Variants in APOF observed in about 807,000 individuals in gnomAD.
APOF encodes the protein apolipoprotein F.
In APOF, 2 loss-of-function variants were observed where a neutral mutation model predicts 2.4. The observed-to-expected ratio is 0.83, with a 90% CI of 0.34 to 2.61. The LOEUF is 2.61. Among genes scored for constraint, APOF ranks in the 30% most tolerant of loss-of-function variants. The pLI, the probability that APOF is intolerant of heterozygous loss-of-function variation, is 0.11. For synonymous variants in APOF, 149 were observed against 155.6 expected (o/e 0.96, Z 0.32); for missense variants, 370 against 388.7 (o/e 0.95, Z 0.40).
rs945239102 is a variant in APOF at position 56,361,370 on chromosome 12, C to T, written c.836G>A (p.Arg279Lys). Residue 279 changes from arginine to lysine, a missense_variant, in exon 2 of 2, where the codon AGG becomes AAG. Arg to Lys is a conservative substitution (Grantham distance 26). Transcript: ENST00000398189. Reference protein sequence around the residue: ...SQPETTKEGLRAISDVSDLEE... With the variant: ...SQPETTKEGLKAISDVSDLEE... Reference sequence around the variant, plus strand: ...CAAGTCACTCACATCTGAGATGGCCCTCAAACCCTCCTTGGTGGTCTCCGG... The same window carrying T: ...CAAGTCACTCACATCTGAGATGGCCTTCAAACCCTCCTTGGTGGTCTCCGG... 1.9e-6 allele frequency: 3 copies of T among 1,613,926 alleles called. No individual in the cohort carries two copies. The highest frequency in any genetic ancestry group is 3.3e-5 in the Admixed American group (2 of 59,996).
In APOF at chr12:56,361,970, A is replaced by G; in HGVS notation, c.236T>C (p.Met79Thr). The G allele has an allele frequency of 6.2e-7, 1 of 1,614,036 alleles. No homozygotes were observed. The highest frequency in any genetic ancestry group is 8.5e-7 in the Non-Finnish European group (1 of 1,179,882). Residue 79 changes from methionine to threonine, a missense_variant, in exon 2 of 2, where the codon ATG (methionine) becomes ACG (threonine). Coordinates refer to ENST00000398189, the MANE Select transcript of APOF (RefSeq NM_001638.4). ...TACCAAGAACTTGGGTAGAGGGGCC[A>G]TGTGGCTGAAACCAGGCAGTGACTT... Reference protein sequence around the residue: ...HPKSLPGFSHMAPLPKFLVSL... With the variant: ...HPKSLPGFSHTAPLPKFLVSL...
Position 56,361,125 on chromosome 12 carries a change from G to C in APOF, c.*100C>G. The C allele has an allele frequency of 7.2e-7, 1 of 1,396,492 alleles. No individual in the cohort carries two copies. Among genetic ancestry groups the C allele is most frequent in the Non-Finnish European group, 9.6e-7 (1 of 1,038,652 alleles). The allele number at this position is 1,396,492 out of a possible 1,614,324, so 86.5% of individuals were successfully genotyped here. ...AACATTTACGTTCTTACGTTTTACT[G>C]TACAGCCTTCCTCCTGGATAAATCA... On this transcript the variant is annotated 3_prime_UTR_variant, in exon 2 of 2. Transcript: ENST00000398189.
chr12:56,361,892 C>G lies in APOF; in HGVS notation c.314G>C (p.Trp105Ser). The G allele has an allele frequency of 6.2e-7, 1 of 1,613,844 alleles. No homozygotes were observed. Among genetic ancestry groups the G allele is most frequent in the Non-Finnish European group, 8.5e-7 (1 of 1,179,800 alleles). Residue 105 changes from tryptophan (W) to serine (S), a missense_variant, in exon 2 of 2, where the codon TGG (tryptophan) becomes TCG (serine). Trp to Ser is a radical substitution (Grantham distance 177). Coordinates refer to ENST00000398189, the MANE Select transcript of APOF (RefSeq NM_001638.4). ...LEEAGCQADV[W>S]ALQLQLYRQG... ...GCGGTAGAGCTGTAGCTGTAGAGCCCAAACATCAGCCTGACAACCAGCTTC... is the reference window on the plus strand; with the variant it reads ...GCGGTAGAGCTGTAGCTGTAGAGCCGAAACATCAGCCTGACAACCAGCTTC...
chr12:56,360,977 C>T lies in APOF; in HGVS notation c.*248G>A. On this transcript the variant is annotated 3_prime_UTR_variant, in exon 2 of 2. Transcript: ENST00000398189. Reference sequence around the variant, plus strand: ...GCAACTCATTGAGGTTAAAATCATTCTATCTCCTTTAGAAACTTCAAAACT... The same window carrying T: ...GCAACTCATTGAGGTTAAAATCATTTTATCTCCTTTAGAAACTTCAAAACT... 1 of 518,618 alleles carries T rather than the reference C, an allele frequency of 1.9e-6. No homozygotes were observed. Among genetic ancestry groups the T allele is most frequent in the South Asian group, 2.7e-5 (1 of 37,348 alleles). The allele number at this position is 518,618 out of a possible 1,614,324, so 32.1% of individuals were successfully genotyped here.
Position 56,361,013 on chromosome 12 carries a change from CAAGA to C in APOF, c.*208_*211del. 2 of 578,520 alleles carry C rather than the reference CAAGA, an allele frequency of 3.5e-6. No individual in the cohort carries two copies. Among genetic ancestry groups the C allele is most frequent in the Admixed American group, 6.5e-5 (2 of 30,916 alleles). The allele number at this position is 578,520 out of a possible 1,614,324, so 35.8% of individuals were successfully genotyped here. ...AGAAACTTCAAAACTGATCTTAGTT[CAAGA>C]AAGAAGTTACTATTCAGTGATCACC... On this transcript the variant is annotated 3_prime_UTR_variant, in exon 2 of 2. Coordinates refer to ENST00000398189, the MANE Select transcript of APOF (RefSeq NM_001638.4).
rs772261296 is a variant in APOF at position 56,361,562 on chromosome 12, C to T, written c.644G>A (p.Arg215Gln). The T allele has an allele frequency of 6.2e-6, 10 of 1,613,940 alleles. No homozygotes were observed. Among genetic ancestry groups the T allele is most frequent in the African/African-American group, 1.3e-5 (1 of 74,938 alleles). The change falls in exon 2 of 2, where the codon CGA (arginine) becomes CAA (glutamine). Residue 215 changes from arginine to glutamine, a missense_variant. Coordinates refer to ENST00000398189, the MANE Select transcript of APOF (RefSeq NM_001638.4). ...NCLGKARERG[R>Q]DGAIDLGYDL... ...ATATCCCAGATCTATGGCCCCATCT[C>T]GGCCTCGTTCCCTGGCCTTGCCCAG...
chr12:56,361,176 T>C lies in APOF; in HGVS notation c.*49A>G, dbSNP rs549438151. On this transcript the variant is annotated 3_prime_UTR_variant, in exon 2 of 2. Transcript: ENST00000398189. ...GATTAAAATTTTGAAGACATGTATA[T>C]AGCTTGTCAGGGTAGTACAGTTATT... 292 of 1,566,750 alleles carry C rather than the reference T, an allele frequency of 1.9e-4. 1 individual carries two copies. In the East Asian group the frequency reaches 6.2e-3, roughly 33 times the overall value.
At position 56,362,773 on chromosome 12, in the gene APOF, T is replaced by G. The variant is rs771488732; in HGVS notation, c.-28A>C. On this transcript the variant is annotated 5_prime_UTR_variant, in exon 1 of 2. Transcript: ENST00000398189. The stretch of plus-strand genomic sequence containing the variant: ...AGAAGTGAGACTGCCTTGGTAGGTT[T>G]GATCGCTTCCTGATCCTGTTCTGCC... 40 of 1,613,576 alleles carry G rather than the reference T, an allele frequency of 2.5e-5. No homozygotes were observed. The South Asian group carries it at 4.3e-4, about 17-fold the overall frequency.
At chr12:56,362,662 C>T in intron 1 of APOF, 68 bp downstream of exon 1, 2 of 1,534,712 alleles carry the variant, frequency 1.3e-6, no homozygotes, top group Non-Finnish European at 1.8e-6. Context: ...CCCACTTGGT[C>T]TCCCCCATTT....
rs992077393 is a variant in APOF, at chr12:56,361,314, A to T, written c.892T>A (p.Ser298Thr). Reference protein sequence around the residue: ...EETTTLASFISEVVSSAPYWG... With the variant: ...EETTTLASFITEVVSSAPYWG... ...TAGGGAGCTGAACTTACTACTTCTGATATGAAAGAAGCCAGAGTAGTTGTT... is the reference window on the plus strand; with the variant it reads ...TAGGGAGCTGAACTTACTACTTCTGTTATGAAAGAAGCCAGAGTAGTTGTT... The change falls in exon 2 of 2, where the codon TCA becomes ACA. Residue 298 changes from serine (S) to threonine (T), a missense_variant. By Grantham distance (58) the Ser-to-Thr change is moderately conservative (BLOSUM62 1). Coordinates refer to ENST00000398189, the MANE Select transcript of APOF (RefSeq NM_001638.4). The T allele has an allele frequency of 5.0e-6, 8 of 1,614,020 alleles. No individual in the cohort carries two copies. The highest frequency in any genetic ancestry group is 6.8e-6 in the Non-Finnish European group (8 of 1,179,888).
chr12:56,360,827 A>G lies in APOF; in HGVS notation c.*398T>C, dbSNP rs926560397. 3 of 194,316 alleles carry G rather than the reference A, an allele frequency of 1.5e-5. No individual in the cohort carries two copies. The highest frequency in any genetic ancestry group is 2.4e-5 in the African/African-American group (1 of 41,974). The allele number at this position is 194,316 out of a possible 1,614,324, so 12.0% of individuals were successfully genotyped here. ...CTTGAACTCCTGACCTCAGGTGATC[A>G]TCCCGCCTCAGCCTCTCACAGTGCT... On this transcript the variant is annotated 3_prime_UTR_variant, in exon 2 of 2. Coordinates refer to ENST00000398189, the MANE Select transcript of APOF (RefSeq NM_001638.4).
rs1880420670 is a variant in APOF at position 56,362,167 on chromosome 12, A to C, written c.39T>G (p.Arg13=). The change falls in exon 2 of 2, where the codon CGT becomes CGG. Residue 13 remains arginine (R), a synonymous_variant. Transcript: ENST00000398189. The stretch of plus-strand genomic sequence containing the variant: ...CTGGTATCATGATGAGTCTGAGGCC[A>C]CGCATGTCTGGAGCAGAGTACCCTA... ...GLCGYSAPDM[R]GLRLIMIPVE... 4 of 1,613,192 alleles carry C rather than the reference A, an allele frequency of 2.5e-6. No homozygotes were observed. Among genetic ancestry groups the C allele is most frequent in the Non-Finnish European group, 3.4e-6 (4 of 1,179,814 alleles).
chr12:56,361,015 A>G lies in APOF; in HGVS notation c.*210T>C. The G allele has an allele frequency of 3.4e-6, 2 of 584,300 alleles. No homozygotes were observed. The highest frequency in any genetic ancestry group is 2.3e-5 in the South Asian group (1 of 42,732). The allele number at this position is 584,300 out of a possible 1,614,324, so 36.2% of individuals were successfully genotyped here. A position where few individuals can be genotyped will look rare whatever the true frequency, so the allele number is the denominator to read the frequency against. On this transcript the variant is annotated 3_prime_UTR_variant, in exon 2 of 2. Transcript: ENST00000398189. Reference sequence around the variant, plus strand: ...AAACTTCAAAACTGATCTTAGTTCAAGAAAGAAGTTACTATTCAGTGATCA... The same window carrying G: ...AAACTTCAAAACTGATCTTAGTTCAGGAAAGAAGTTACTATTCAGTGATCA...
Position 56,361,989 on chromosome 12 carries a change from G to A in APOF, c.217C>T (p.Leu73=). ...GGGGCCATGTGGCTGAAACCAGGCAGTGACTTTGGGTGCAGAAATTGGCAG... is the reference window on the plus strand; with the variant it reads ...GGGGCCATGTGGCTGAAACCAGGCAATGACTTTGGGTGCAGAAATTGGCAG... The part of the protein sequence containing the change: ...LSCQFLHPKS[L]PGFSHMAPLP... Residue 73 remains leucine (L), a synonymous_variant, in exon 2 of 2, where the codon CTG becomes TTG. Coordinates refer to ENST00000398189, the MANE Select transcript of APOF (RefSeq NM_001638.4). 1 of 1,614,050 alleles carries A rather than the reference G, an allele frequency of 6.2e-7. No homozygotes were observed. The highest frequency in any genetic ancestry group is 1.1e-5 in the South Asian group (1 of 91,092).
chr12:56,362,023 G>T lies in APOF; in HGVS notation c.183C>A (p.Asp61Glu). Reference sequence around the variant, plus strand: ...GGTGCAGAAATTGGCAGGACAAGGGGTCTGAGGAGGGTGTCTGGGATTCCA... The same window carrying T: ...GGTGCAGAAATTGGCAGGACAAGGGTTCTGAGGAGGGTGTCTGGGATTCCA... ...LSLESQTPSS[D>E]PLSCQFLHPK... Residue 61 changes from aspartate to glutamate, a missense_variant, in exon 2 of 2, where the codon GAC becomes GAA. Physicochemically the swap from Asp to Glu is conservative, Grantham distance 45. Coordinates refer to ENST00000398189, the MANE Select transcript of APOF (RefSeq NM_001638.4). 1.2e-6 allele frequency: 2 copies of T among 1,613,972 alleles called. No individual in the cohort carries two copies. Among genetic ancestry groups the T allele is most frequent in the Non-Finnish European group, 1.7e-6 (2 of 1,179,888 alleles).
At position 56,361,159 on chromosome 12, in the gene APOF, T is replaced by A; in HGVS notation, c.*66A>T. The A allele has an allele frequency of 6.6e-7, 1 of 1,518,348 alleles. No homozygotes were observed. Among genetic ancestry groups the A allele is most frequent in the Non-Finnish European group, 8.8e-7 (1 of 1,130,104 alleles). 94.1% of individuals were successfully genotyped at this position (1,518,348 alleles called of 1,614,324 possible). On this transcript the variant is annotated 3_prime_UTR_variant, in exon 2 of 2. Transcript: ENST00000398189. The stretch of plus-strand genomic sequence containing the variant: ...TCCTCCTGGATAAATCAGATTAAAA[T>A]TTTGAAGACATGTATATAGCTTGTC...
rs1358819870 is a variant in APOF at position 56,361,749 on chromosome 12, C to A, written c.457G>T (p.Ala153Ser). 5 of 1,609,332 alleles carry A rather than the reference C, an allele frequency of 3.1e-6. No individual in the cohort carries two copies. Among genetic ancestry groups the A allele is most frequent in the Non-Finnish European group, 4.2e-6 (5 of 1,177,896 alleles). The change falls in exon 2 of 2, where the codon GCC (alanine) becomes TCC (serine). Residue 153 changes from alanine (A) to serine (S), a missense_variant. Coordinates refer to ENST00000398189, the MANE Select transcript of APOF (RefSeq NM_001638.4). ...CTTCCTGTGCTTTGCTGCTCCCTGG[C>A]TAACAGCTGCAGAGCAGAGGCCAGG... Reference protein sequence around the residue: ...EALASALQLLAREQQSTGRVG... With the variant: ...EALASALQLLSREQQSTGRVG...
In APOF at chr12:56,361,326, C is replaced by G; in HGVS notation, c.880G>C (p.Ala294Pro). 1 of 1,614,036 alleles carries G rather than the reference C, an allele frequency of 6.2e-7. No individual in the cohort carries two copies. Among genetic ancestry groups the G allele is most frequent in the Non-Finnish European group, 8.5e-7 (1 of 1,179,900 alleles). Residue 294 changes from alanine to proline, a missense_variant, in exon 2 of 2, where the codon GCT becomes CCT. Ala to Pro is a conservative substitution (Grantham distance 27). Coordinates refer to ENST00000398189, the MANE Select transcript of APOF (RefSeq NM_001638.4). The part of the protein sequence containing the change: ...VSDLEETTTL[A>P]SFISEVVSSA... ...CTTACTACTTCTGATATGAAAGAAGCCAGAGTAGTTGTTTCTTCCAAGTCA... is the reference window on the plus strand; with the variant it reads ...CTTACTACTTCTGATATGAAAGAAGGCAGAGTAGTTGTTTCTTCCAAGTCA...
chr12:56,361,843 C>A lies in APOF; in HGVS notation c.363G>T (p.Gln121His), dbSNP rs767971917. Residue 121 changes from glutamine (Q) to histidine (H), a missense_variant, in exon 2 of 2, where the codon CAG becomes CAT. Gln to His is a conservative substitution (Grantham distance 24). Transcript: ENST00000398189. ...LYRQGGVNAT[Q>H]VLIQHLRGLQ... ...GCCCTCGAAGATGCTGGATGAGGAC[C>A]TGTGTAGCATTCACACCACCCTGGC... 1.2e-5 allele frequency: 19 copies of A among 1,613,470 alleles called. No individual in the cohort carries two copies. The East Asian group carries it at 4.0e-4, about 34-fold the overall frequency.
Sources: allele counts gnomAD v4.1 joint callset, GRCh38; gene constraint gnomAD v4.1.1; transcripts MANE v1.5; gene names NCBI Gene and HGNC (gene_info 2026-07-23, HGNC 2026-07-21).